ANGPT1: variants seen among roughly 807,000 people sequenced by gnomAD.
ANGPT1 encodes the protein angiopoietin 1.
In ANGPT1, 17 loss-of-function variants were observed where a neutral mutation model predicts 62.2. That is an observed-to-expected ratio of 0.27 (90% CI 0.19 to 0.41). The LOEUF is 0.41. ANGPT1 is among the 10% of genes least tolerant of loss of function. The pLI is 1.00. For synonymous variants in ANGPT1, 199 were observed against 198.9 expected (o/e 1.00, Z 0.00); for missense variants, 478 against 594.9 (o/e 0.80, Z 2.04).
intron 3 of ANGPT1, among the ~76,000 whole-genome samples, chr8:107,332,706 C>G (rs372662463): frequency 9.9e-5 from 15 of 152,170 alleles, no homozygotes; most frequent in African/African-American, 3.6e-4. Flanking sequence ...GCTGAAGCCC[C>G]ATCTTACTCA....
chr8:107,365,856 A>AATAC (rs1816261030), intron 1 of ANGPT1, among the ~76,000 whole-genome samples: 1 of 147,084 alleles, frequency 6.8e-6, no homozygotes, highest in Non-Finnish European at 1.5e-5. Context: ...AAACAAATAC[A>AATAC]ACACACACAC....
intron 1 of ANGPT1, among the ~76,000 whole-genome samples, chr8:107,408,883 G>A (rs1817203736): frequency 6.6e-6 from 1 of 152,202 alleles, no homozygotes; most frequent in African/African-American, 2.4e-5. Context: ...CACAATCACA[G>A]TGTCAGGTGA....
At chr8:107,284,922 C>G (rs367870578) in intron 6 of ANGPT1, 74 bp from the exon 7 acceptor site, 2 of 1,136,422 alleles carry the variant, frequency 1.8e-6, no homozygotes, top group East Asian at 3.1e-5. Flanking sequence ...TAACTATTTT[C>G]TAAATAATAA....
chr8:107,299,587 A>G (rs1306439922), intron 5 of ANGPT1, among the ~76,000 whole-genome samples: 1 of 140,844 alleles, frequency 7.1e-6, no homozygotes, highest in African/African-American at 2.6e-5. Flanking sequence ...ATATATAGAT[A>G]TAGACAGCAG....
At chr8:107,362,970 C>A (rs1443308584) in intron 1 of ANGPT1, among the ~76,000 whole-genome samples, 1 of 152,108 alleles carries the variant, frequency 6.6e-6, no homozygotes, top group African/African-American at 2.4e-5. Context: ...TTCTTCCAAA[C>A]TGGGGGAAAT....
chr8:107,300,639 G>C (rs1814564929), intron 5 of ANGPT1, among the ~76,000 whole-genome samples: 2 of 151,874 alleles, frequency 1.3e-5, no homozygotes, highest in East Asian at 3.9e-4. Flanking sequence ...CCATTCAGCA[G>C]TGATAAAATT....
chr8:107,447,808 A>T (rs941769063), intron 1 of ANGPT1, among the ~76,000 whole-genome samples: 1 of 152,204 alleles, frequency 6.6e-6, no homozygotes, highest in African/African-American at 2.4e-5. Flanking sequence ...TTCCTGACAC[A>T]TACACAGACA....
chr8:107,427,819 G>C (rs1257895120), intron 1 of ANGPT1, among the ~76,000 whole-genome samples: 6 of 152,206 alleles, frequency 3.9e-5, no homozygotes, highest in African/African-American at 7.2e-5. Flanking sequence ...ATAGGAGGAG[G>C]AGGAGAAACG....
chr8:107,279,352 T>C (rs748707995), intron 7 of ANGPT1, among the ~76,000 whole-genome samples: 11 of 152,166 alleles, frequency 7.2e-5, no homozygotes, highest in African/African-American at 1.4e-4. Context: ...ACTGGAAAGA[T>C]AGGTAATGTG....
At chr8:107,330,469 G>A (rs1815394913) in intron 3 of ANGPT1, among the ~76,000 whole-genome samples, 1 of 152,222 alleles carries the variant, frequency 6.6e-6, no homozygotes. Context: ...TAAGATTATA[G>A]TGATCATGGA....
intron 1 of ANGPT1, among the ~76,000 whole-genome samples, chr8:107,372,308 T>C (rs1816431989): frequency 6.6e-6 from 1 of 152,136 alleles, no homozygotes; most frequent in African/African-American, 2.4e-5. Context: ...GAACTACTGA[T>C]ATAAATAATT....
rs976998778 is a variant in ANGPT1, at chr8:107,487,822, T to TA, written c.297+9439dup. Among the ~76,000 whole-genome samples, 32 of 152,248 alleles carry TA rather than the reference T, an allele frequency of 2.1e-4. 1 individual carries two copies. Among genetic ancestry groups the TA allele is most frequent in the African/African-American group, 7.2e-4 (30 of 41,562 alleles). On this transcript the variant is annotated intron_variant, in intron 1 of 8. Coordinates refer to ENST00000517746, the MANE Select transcript of ANGPT1 (RefSeq NM_001146.5). The stretch of plus-strand genomic sequence containing the variant: ...CTTGGTAAGTGCCATGTATTAGAAG[T>TA]AAAAAAACAAGGTTAGCTAAGTAGA...
At chr8:107,271,354 T>C (rs972397571) in intron 7 of ANGPT1, among the ~76,000 whole-genome samples, 3 of 152,090 alleles carry the variant, frequency 2.0e-5, no homozygotes, top group African/African-American at 7.2e-5. Context: ...ACTTGACTAT[T>C]TGCAAAAAAA....
chr8:107,319,057 T>C (rs1479860469), intron 4 of ANGPT1, among the ~76,000 whole-genome samples: 2 of 152,172 alleles, frequency 1.3e-5, no homozygotes, highest in African/African-American at 2.4e-5. Context: ...ATAAAGCACA[T>C]AATGAATGTA....
intron 1 of ANGPT1, among the ~76,000 whole-genome samples, chr8:107,449,965 T>C (rs1811726510): frequency 6.6e-6 from 1 of 152,104 alleles, no homozygotes; most frequent in Non-Finnish European, 1.5e-5. Flanking sequence ...AGCACCTAAA[T>C]ATCTGATGAT....
At chr8:107,308,867 G>A (rs1424363539) in intron 4 of ANGPT1, among the ~76,000 whole-genome samples, 1 of 152,182 alleles carries the variant, frequency 6.6e-6, no homozygotes, top group African/African-American at 2.4e-5. Context: ...CCTGATGCTA[G>A]CAGCTGTTGA....
At chr8:107,333,582 G>A (rs1430371275) in intron 3 of ANGPT1, among the ~76,000 whole-genome samples, 2 of 152,122 alleles carry the variant, frequency 1.3e-5, no homozygotes, top group African/African-American at 4.8e-5. Context: ...GTTTTCTGTT[G>A]AAATTAGAAT....
At chr8:107,495,855 T>C (rs1813079131) in intron 1 of ANGPT1, among the ~76,000 whole-genome samples, 1 of 152,206 alleles carries the variant, frequency 6.6e-6, no homozygotes, top group African/African-American at 2.4e-5. Flanking sequence ...TTGCTTTTTA[T>C]TCTTCTGCCT....
chr8:107,345,780 C>T (rs754224122), intron 2 of ANGPT1, among the ~76,000 whole-genome samples: 9 of 151,952 alleles, frequency 5.9e-5, no homozygotes, highest in Non-Finnish European at 1.3e-4. Context: ...TATGTAGTTC[C>T]GTCCATCTCC....
Sources: gnomAD v4.1 joint callset for allele counts (sites outside exome capture counted in the v4.1 genomes callset) on GRCh38, gnomAD v4.1.1 for gene constraint, MANE v1.5 for transcripts, NCBI Gene and HGNC (gene_info 2026-07-23, HGNC 2026-07-21) for gene names.